AKR1D1: variants seen among roughly 807,000 people sequenced by gnomAD.
AKR1D1 encodes the protein aldo-keto reductase family 1 member D1.
A neutral mutation model predicts 42.6 loss-of-function variants in AKR1D1; 32 were observed. The observed-to-expected ratio is 0.75, with a 90% CI of 0.57 to 1.01. The LOEUF (loss-of-function observed/expected upper bound fraction) is 1.01, where lower values mean the gene tolerates loss of function less well. Ranked by LOEUF, AKR1D1 falls within the 50% of genes least tolerant of loss-of-function variation. The pLI is 0.00. For missense variants in AKR1D1, 364 were observed against 402.2 expected, an observed-to-expected ratio of 0.91 and a Z score of 0.81; for synonymous variants, 123 against 135.5, an observed-to-expected ratio of 0.91 and a Z score of 0.64.
intron 3 of AKR1D1, among the ~76,000 whole-genome samples, chr7:138,093,288 C>T (rs886584157): frequency 1.1e-4 from 16 of 151,996 alleles, no homozygotes; most frequent in Admixed American, 3.3e-4. Context: ...AGGATGGTCT[C>T]GATCTCCTGA....
chr7:138,098,371 A>C, intron 4 of AKR1D1: 1 of 166,760 alleles, frequency 6.0e-6, no homozygotes, highest in Non-Finnish European at 1.3e-5. Flanking sequence ...GCACTTTGGA[A>C]GGCCAAGGTG....
rs1461806745 is a variant in AKR1D1, at chr7:138,076,620, ATT to A, written c.93+14_93+15del. ...ACTCAGAACCTAAATCGGTAAGCTT[ATT>A]TTTTCTCTCTTTGCTTGCTTGTTTG... On this transcript the variant is annotated intron_variant, in intron 1 of 8. Transcript: ENST00000242375. 1 of 1,599,724 alleles carries A rather than the reference ATT, an allele frequency of 6.3e-7. No homozygotes were observed. The highest frequency in any genetic ancestry group is 8.6e-7 in the Non-Finnish European group (1 of 1,167,884).
chr7:138,085,599 C>T (rs984586894), intron 1 of AKR1D1, among the ~76,000 whole-genome samples: 5 of 151,984 alleles, frequency 3.3e-5, no homozygotes, highest in African/African-American at 9.7e-5. Flanking sequence ...TGTCTACCAC[C>T]ACGCCTGGCT....
intron 3 of AKR1D1, 51 bp downstream of exon 3, chr7:138,091,935 C>T (rs2117435304): frequency 8.7e-7 from 1 of 1,155,524 alleles, no homozygotes. Flanking sequence ...CAACCATGAG[C>T]CAATAGCTAT....
chr7:138,080,574 T>C (rs535850844), intron 1 of AKR1D1, among the ~76,000 whole-genome samples: 13 of 152,326 alleles, frequency 8.5e-5, no homozygotes, highest in African/African-American at 2.6e-4. Flanking sequence ...AATATGCATA[T>C]ACAAAAAAGT....
intron 3 of AKR1D1, among the ~76,000 whole-genome samples, chr7:138,096,645 A>ACATTT (rs1298156647): frequency 6.6e-6 from 1 of 152,198 alleles, no homozygotes; most frequent in East Asian, 1.9e-4. Flanking sequence ...AATTCAATAG[A>ACATTT]CATTTTGTCT....
At chr7:138,103,113 A>T (rs1320586303) in intron 4 of AKR1D1, among the ~76,000 whole-genome samples, 1 of 152,182 alleles carries the variant, frequency 6.6e-6, no homozygotes, top group Non-Finnish European at 1.5e-5. Flanking sequence ...AAAATAATGC[A>T]TGATAAAAAG....
chr7:138,105,163 A>G, intron 4 of AKR1D1, 144 bp from the exon 5 acceptor site: 1 of 1,091,680 alleles, frequency 9.2e-7, no homozygotes, highest in Non-Finnish European at 1.4e-6. Flanking sequence ...TTTTCCCACC[A>G]TCCTTCTTTT....
intron 1 of AKR1D1, among the ~76,000 whole-genome samples, chr7:138,078,662 C>T (rs1802990530): frequency 6.6e-6 from 1 of 152,130 alleles, no homozygotes. Context: ...CATGTAAGTC[C>T]CTTACAGGAG....
intron 1 of AKR1D1, among the ~76,000 whole-genome samples, chr7:138,079,854 A>G (rs1803016490): frequency 6.6e-6 from 1 of 152,218 alleles, no homozygotes; most frequent in Admixed American, 6.5e-5. Flanking sequence ...ACTCAGCAGC[A>G]ATGTCAACAA....
intron 1 of AKR1D1, among the ~76,000 whole-genome samples, chr7:138,077,302 A>G (rs1214055805): frequency 6.6e-6 from 1 of 152,190 alleles, no homozygotes; most frequent in Non-Finnish European, 1.5e-5. Context: ...GAAGGGAAAG[A>G]AAACACGTCC....
At chr7:138,085,037 A>G (rs1803141278) in intron 1 of AKR1D1, among the ~76,000 whole-genome samples, 1 of 118,936 alleles carries the variant, frequency 8.4e-6, no homozygotes, top group Non-Finnish European at 1.6e-5. Context: ...GCCTGGTGAC[A>G]GAGTGAGACT....
chr7:138,095,859 T>C (rs1028921725), intron 3 of AKR1D1, among the ~76,000 whole-genome samples: 8 of 151,910 alleles, frequency 5.3e-5, no homozygotes, highest in Non-Finnish European at 1.2e-4. Context: ...ATAATGGATT[T>C]TGTCCAATTG....
chr7:138,097,835 A>T, intron 3 of AKR1D1, 31 bp from the exon 4 acceptor site: 1 of 1,470,626 alleles, frequency 6.8e-7, no homozygotes, highest in Non-Finnish European at 9.3e-7. Flanking sequence ...AATAAAATGA[A>T]TTACATTTAT....
chr7:138,083,419 G>C (rs1803099479), intron 1 of AKR1D1, among the ~76,000 whole-genome samples: 1 of 151,880 alleles, frequency 6.6e-6, no homozygotes, highest in Admixed American at 6.6e-5. Flanking sequence ...GTTTTGTTTT[G>C]TTTTGTTTGT....
At chr7:138,115,432 AAAACAAAAAACAAAC>A (rs1794615797) in intron 8 of AKR1D1, among the ~76,000 whole-genome samples, 1 of 152,234 alleles carries the variant, frequency 6.6e-6, no homozygotes, top group Admixed American at 6.5e-5. Flanking sequence ...GTCTCAAAAC[AAAACAAAAAACAAAC>A]AAACAAAAAC....
At chr7:138,103,230 C>T (rs907224909) in intron 4 of AKR1D1, among the ~76,000 whole-genome samples, 1 of 151,698 alleles carries the variant, frequency 6.6e-6, no homozygotes, top group African/African-American at 2.4e-5. Context: ...CTAACAGATG[C>T]TCCAAAAAAA....
chr7:138,095,101 C>T (rs1031727604), intron 3 of AKR1D1, among the ~76,000 whole-genome samples: 1 of 152,040 alleles, frequency 6.6e-6, no homozygotes, highest in Non-Finnish European at 1.5e-5. Flanking sequence ...GTAAAATAGG[C>T]ACAATGGAAG....
intron 4 of AKR1D1, 97 bp downstream of exon 4, chr7:138,098,040 C>CT: frequency 4.1e-6 from 4 of 970,816 alleles, no homozygotes; most frequent in Non-Finnish European, 5.0e-6. Context: ...GCACCCTTTA[C>CT]TTTCAATGAA....
Sources: gnomAD v4.1 joint callset for allele counts (sites outside exome capture counted in the v4.1 genomes callset) on GRCh38, gnomAD v4.1.1 for gene constraint, MANE v1.5 for transcripts, NCBI Gene and HGNC (gene_info 2026-07-23, HGNC 2026-07-21) for gene names.